CADPS2: variants seen among roughly 807,000 people sequenced by gnomAD.
CADPS2 encodes the protein calcium-dependent secretion activator 2.
Under a neutral mutation model 172.5 loss-of-function variants are expected in CADPS2, and 93 were observed. That is an observed-to-expected ratio of 0.54 (90% CI 0.46 to 0.64). The LOEUF (loss-of-function observed/expected upper bound fraction) is 0.64, where lower values mean the gene tolerates loss of function less well. Among genes scored for constraint, CADPS2 ranks in the 30% least tolerant of loss-of-function variants. The probability of loss-of-function intolerance (pLI) is 0.00; values close to 1 mark genes in which losing one functional copy is unlikely to be tolerated. For synonymous variants in CADPS2, 546 were observed against 555.2 expected (o/e 0.98, Z 0.23); for missense variants, 1,420 against 1,565.9 (o/e 0.91, Z 1.57).
At chr7:122,684,924 T>A (rs1402692151) in intron 2 of CADPS2, among the ~76,000 whole-genome samples, 1 of 152,192 alleles carries the variant, frequency 6.6e-6, no homozygotes, top group Non-Finnish European at 1.5e-5. Context: ...GTAAATCAAT[T>A]TTAAAAACAA....
At chr7:122,404,187 C>G (rs1016347167) in intron 20 of CADPS2, among the ~76,000 whole-genome samples, 2 of 152,044 alleles carry the variant, frequency 1.3e-5, no homozygotes, top group African/African-American at 4.8e-5. Context: ...GTTCCCCTTC[C>G]TGTGTTCATG....
intron 6 of CADPS2, among the ~76,000 whole-genome samples, chr7:122,614,525 G>A (rs1182974523): frequency 5.9e-5 from 9 of 152,172 alleles, no homozygotes. Flanking sequence ...ATGCACAAAT[G>A]AAGGCCAAGC....
At chr7:122,437,734 T>C (rs2050812303) in intron 17 of CADPS2, among the ~76,000 whole-genome samples, 1 of 151,974 alleles carries the variant, frequency 6.6e-6, no homozygotes, top group Admixed American at 6.6e-5. Context: ...TTTGTGACTT[T>C]GCCACAAATT....
intron 1 of CADPS2, among the ~76,000 whole-genome samples, chr7:122,788,177 A>C (rs887614019): frequency 6.6e-6 from 1 of 152,302 alleles, no homozygotes; most frequent in South Asian, 2.1e-4. Context: ...CTGCTACTAT[A>C]AAGTGTCTTA....
chr7:122,692,528 C>T (rs954154743), intron 2 of CADPS2, among the ~76,000 whole-genome samples: 13 of 152,324 alleles, frequency 8.5e-5, no homozygotes. Context: ...CTGTCTACTG[C>T]CTCCCACGTT....
intron 6 of CADPS2, among the ~76,000 whole-genome samples, chr7:122,601,719 G>A (rs916444637): frequency 2.0e-5 from 3 of 151,866 alleles, no homozygotes; most frequent in African/African-American, 7.3e-5. Context: ...TTACATAGAC[G>A]TACTCTTCCC....
intron 2 of CADPS2, among the ~76,000 whole-genome samples, chr7:122,707,630 A>G (rs1029863251): frequency 6.6e-6 from 1 of 151,936 alleles, no homozygotes; most frequent in African/African-American, 2.4e-5. Flanking sequence ...AAACACTACA[A>G]CTATGTATGT....
intron 1 of CADPS2, among the ~76,000 whole-genome samples, chr7:122,778,729 G>C (rs2093958163): frequency 6.6e-6 from 1 of 152,218 alleles, no homozygotes; most frequent in South Asian, 2.1e-4. Context: ...TTGAGCCTGT[G>C]GGTGCACAGA....
At position 122,351,198 on chromosome 7, in the gene CADPS2, A is replaced by C. The variant is rs573419287; in HGVS notation, c.3505-5517T>G. 1.7e-4 allele frequency among the ~76,000 whole-genome samples: 25 copies of C among 150,758 alleles called. No homozygotes were observed. In the South Asian group the frequency reaches 4.8e-3, roughly 29 times the overall value. On this transcript the variant is annotated intron_variant, in intron 27 of 29. Coordinates refer to ENST00000449022, the MANE Select transcript of CADPS2 (RefSeq NM_017954.11). Reference sequence around the variant, plus strand: ...TGGCTAACACGGTGTGTTACTAAACATCGTCTCTACTAAAAATACAAAAAA... The same window carrying C: ...TGGCTAACACGGTGTGTTACTAAACCTCGTCTCTACTAAAAATACAAAAAA...
intron 5 of CADPS2, among the ~76,000 whole-genome samples, chr7:122,618,055 A>AC (rs1470425883): frequency 1.4e-4 from 21 of 151,946 alleles, no homozygotes; most frequent in African/African-American, 5.1e-4. Context: ...AAAAAAAAAA[A>AC]AATCAACTAT....
chr7:122,700,054 GA>G (rs2085779214), intron 2 of CADPS2, among the ~76,000 whole-genome samples: 1 of 152,108 alleles, frequency 6.6e-6, no homozygotes, highest in Admixed American at 6.5e-5. Context: ...GGCACAATAT[GA>G]CATCAAAGCT....
At chr7:122,623,352 A>G (rs1280522784) in intron 4 of CADPS2, among the ~76,000 whole-genome samples, 1 of 152,198 alleles carries the variant, frequency 6.6e-6, no homozygotes, top group Non-Finnish European at 1.5e-5. Flanking sequence ...ACTAACTTTA[A>G]GGCTGCCAGA....
intron 3 of CADPS2, among the ~76,000 whole-genome samples, chr7:122,636,357 C>T (rs2430018): frequency 6.6e-6 from 1 of 151,496 alleles, no homozygotes; most frequent in Non-Finnish European, 1.5e-5. Context: ...ACTTAGGAAG[C>T]TTAGTTTGGC....
rs551955268 is a variant in CADPS2, at chr7:122,754,292, T to A, written c.340-17224A>T. 6.6e-5 allele frequency among the ~76,000 whole-genome samples: 10 copies of A among 152,294 alleles called. No homozygotes were observed. The East Asian group carries it at 1.9e-3, about 29-fold the overall frequency. On this transcript the variant is annotated intron_variant, in intron 1 of 29. Coordinates refer to ENST00000449022, the MANE Select transcript of CADPS2 (RefSeq NM_017954.11). Reference sequence around the variant, plus strand: ...AATTTTATCAGTTGGTATTTCTTTATCCACTTCTGCTTTTGTTTTATTTGT... The same window carrying A: ...AATTTTATCAGTTGGTATTTCTTTAACCACTTCTGCTTTTGTTTTATTTGT...
intron 11 of CADPS2, among the ~76,000 whole-genome samples, chr7:122,484,835 C>G (rs1381292651): frequency 6.6e-6 from 1 of 151,950 alleles, no homozygotes; most frequent in Non-Finnish European, 1.5e-5. Context: ...ATTGAAAGTT[C>G]GTGGCAACCC....
intron 1 of CADPS2, among the ~76,000 whole-genome samples, chr7:122,827,759 A>G (rs1302196206): frequency 6.6e-6 from 1 of 152,198 alleles, no homozygotes; most frequent in Non-Finnish European, 1.5e-5. Context: ...TGATATCAAC[A>G]TCAGACAAAA....
At chr7:122,367,990 T>C (rs187986996) in intron 25 of CADPS2, 1 of 152,462 alleles carries the variant, frequency 6.6e-6, no homozygotes, top group African/African-American at 2.4e-5. Context: ...TCTCTCTGAC[T>C]CTTTTCTTTT....
At chr7:122,711,168 A>G (rs2088649212) in intron 2 of CADPS2, among the ~76,000 whole-genome samples, 1 of 152,224 alleles carries the variant, frequency 6.6e-6, no homozygotes, top group East Asian at 1.9e-4. Flanking sequence ...TCTGTCTTAC[A>G]TTTTCTCTCC....
Position 122,484,293 on chromosome 7 carries a change from A to T in CADPS2, c.1853-3433T>A, listed in dbSNP as rs536051927. ...TTTACCAAGCTACAGTAATCAAGAC[A>T]GTGTGGTAATAATATTAAGATAGAT... On this transcript the variant is annotated intron_variant, in intron 11 of 29. Coordinates refer to ENST00000449022, the MANE Select transcript of CADPS2 (RefSeq NM_017954.11). Among the ~76,000 whole-genome samples the T allele has an allele frequency of 6.6e-4, 100 of 152,300 alleles. 1 individual carries two copies. Among genetic ancestry groups the T allele is most frequent in the Admixed American group, 3.0e-3 (46 of 15,288 alleles).
Sources: allele counts gnomAD v4.1 joint callset (sites outside exome capture counted in the v4.1 genomes callset), GRCh38; gene constraint gnomAD v4.1.1; transcripts MANE v1.5; gene names NCBI Gene and HGNC (gene_info 2026-07-23, HGNC 2026-07-21).